C1QTNF3: variants seen among roughly 807,000 people sequenced by gnomAD.
C1QTNF3 encodes the protein C1q and TNF related 3.
Under a neutral mutation model 32.6 loss-of-function variants are expected in C1QTNF3, and 26 were observed. That is an observed-to-expected ratio of 0.80 (90% CI 0.58 to 1.11). The LOEUF (loss-of-function observed/expected upper bound fraction) is 1.11. Ranked by LOEUF, C1QTNF3 falls within the 50% of genes least tolerant of loss-of-function variation. The pLI is 0.00. For missense variants in C1QTNF3, 362 were observed against 398.2 expected (o/e 0.91, Z 0.77); for synonymous variants, 155 against 146.0 (o/e 1.06, Z -0.44).
chr5:34,189,779 G>A, the C1QTNF3 span, among the ~76,000 whole-genome samples: 13 of 152,154 alleles, frequency 8.5e-5, no homozygotes, highest in African/African-American at 3.1e-4. Context: ...TCAGCCCATC[G>A]CCCAGTTCAC....
At chr5:34,027,811 T>C (rs902481765) in intron 4 of C1QTNF3, among the ~76,000 whole-genome samples, 1 of 149,240 alleles carries the variant, frequency 6.7e-6, no homozygotes, top group Admixed American at 6.7e-5. Context: ...AAATATACTT[T>C]GGTACATTCA....
At chr5:34,159,145 C>T in the C1QTNF3 span, among the ~76,000 whole-genome samples, 1 of 151,406 alleles carries the variant, frequency 6.6e-6, no homozygotes, top group Non-Finnish European at 1.5e-5. Flanking sequence ...AAATTTATCA[C>T]ATCAATGTCT....
the C1QTNF3 span, among the ~76,000 whole-genome samples, chr5:34,077,537 TA>T: frequency 6.6e-6 from 1 of 151,640 alleles, no homozygotes; most frequent in Non-Finnish European, 1.5e-5. Context: ...AACCTGGAAT[TA>T]AAAAAAATCT....
chr5:34,054,828 C>T, the C1QTNF3 span, among the ~76,000 whole-genome samples: 1 of 152,102 alleles, frequency 6.6e-6, no homozygotes, highest in African/African-American at 2.4e-5. Context: ...TGTTTTTTAT[C>T]ATCTCCTCCA....
chr5:34,036,108 C>G (rs936764741), intron 1 of C1QTNF3, among the ~76,000 whole-genome samples: 1 of 152,212 alleles, frequency 6.6e-6, no homozygotes, highest in Non-Finnish European at 1.5e-5. Context: ...GAAGCCTTTT[C>G]TCTTTTCCAA....
intron 5 of C1QTNF3, among the ~76,000 whole-genome samples, 159 bp downstream of exon 5, chr5:34,023,750 T>G (rs1754397147): frequency 6.6e-6 from 1 of 152,164 alleles, no homozygotes; most frequent in African/African-American, 2.4e-5. Flanking sequence ...TCCCAAACAA[T>G]AATGATGATA....
the C1QTNF3 span, among the ~76,000 whole-genome samples, chr5:34,136,799 C>T: frequency 4.6e-5 from 7 of 152,322 alleles, no homozygotes; most frequent in Admixed American, 2.0e-4. Context: ...CACATAGACA[C>T]CATGGAATAC....
the C1QTNF3 span, among the ~76,000 whole-genome samples, chr5:34,195,089 A>C: frequency 6.6e-6 from 1 of 151,340 alleles, no homozygotes. Flanking sequence ...ATATATTTGA[A>C]AATAGCCAGA....
intron 2 of C1QTNF3, 137 bp downstream of exon 2, chr5:34,035,510 T>A: frequency 2.9e-6 from 2 of 698,288 alleles, no homozygotes; most frequent in Non-Finnish European, 5.0e-6. Flanking sequence ...CCTATGAACC[T>A]GGTATTCCAG....
chr5:34,170,539 T>C, the C1QTNF3 span, among the ~76,000 whole-genome samples: 24 of 152,110 alleles, frequency 1.6e-4, 1 homozygote, highest in Admixed American at 1.6e-3. Flanking sequence ...TCGGGGGTGT[T>C]TGCATATGTT....
At chr5:34,023,814 G>T in intron 5 of C1QTNF3, 95 bp downstream of exon 5, 1 of 850,210 alleles carries the variant, frequency 1.2e-6, no homozygotes, top group South Asian at 1.6e-5. Context: ...GCCATGTCAG[G>T]CTCTATTGAC....
At chr5:34,203,470 G>A in the C1QTNF3 span, among the ~76,000 whole-genome samples, 3 of 152,146 alleles carry the variant, frequency 2.0e-5, no homozygotes, top group Non-Finnish European at 4.4e-5. Flanking sequence ...GGTGGACCAC[G>A]AGGTCAGGAG....
At chr5:34,192,266 C>T in the C1QTNF3 span, 1 of 712,816 alleles carries the variant, frequency 1.4e-6, no homozygotes, top group East Asian at 2.7e-5. Flanking sequence ...GGACCTCAGG[C>T]TGTCTCTTCG....
intron 1 of C1QTNF3, among the ~76,000 whole-genome samples, chr5:34,038,315 C>G (rs1264962202): frequency 6.6e-6 from 1 of 152,108 alleles, no homozygotes; most frequent in Non-Finnish European, 1.5e-5. Flanking sequence ...AGGACAAAAG[C>G]TTGCTTGATC....
At chr5:34,135,211 G>A in the C1QTNF3 span, among the ~76,000 whole-genome samples, 24 of 152,142 alleles carry the variant, frequency 1.6e-4, no homozygotes, top group African/African-American at 5.6e-4. Context: ...TTATGTGATG[G>A]ATTATGTTTA....
chr5:34,239,437 G>A, the C1QTNF3 span: 3 of 152,118 alleles, frequency 2.0e-5, no homozygotes, highest in Non-Finnish European at 4.4e-5. Flanking sequence ...AAAATAAGGG[G>A]ACGGAGAAAA....
chr5:34,052,704 C>A, the C1QTNF3 span, among the ~76,000 whole-genome samples: 12 of 152,214 alleles, frequency 7.9e-5, no homozygotes, highest in African/African-American at 2.9e-4. Context: ...CAGTGCCTGG[C>A]ACCCACTCAC....
chr5:34,093,822 C>A, the C1QTNF3 span, among the ~76,000 whole-genome samples: 1 of 152,290 alleles, frequency 6.6e-6, no homozygotes, highest in African/African-American at 2.4e-5. Context: ...ATTCTGAGCC[C>A]ATGAAACACG....
the C1QTNF3 span, among the ~76,000 whole-genome samples, chr5:34,051,473 T>G: frequency 6.6e-6 from 1 of 152,202 alleles, no homozygotes; most frequent in Non-Finnish European, 1.5e-5. Flanking sequence ...TAGTAAATAC[T>G]CCATAAATGC....
Sources: allele counts gnomAD v4.1 joint callset (sites outside exome capture counted in the v4.1 genomes callset), GRCh38; gene constraint gnomAD v4.1.1; transcripts MANE v1.5; gene names NCBI Gene and HGNC (gene_info 2026-07-23, HGNC 2026-07-21).